The following GABRR1 variants were observed in gnomAD, a reference collection of about 807,000 sequenced individuals.
GABRR1 encodes gamma-aminobutyric acid receptor subunit rho-1.
GABRR1 carries 59 observed loss-of-function variants against 55.5 expected under a neutral mutation model. That is an observed-to-expected ratio of 1.06 (90% CI 0.86 to 1.32). The LOEUF (loss-of-function observed/expected upper bound fraction) is 1.32, where lower values mean the gene tolerates loss of function less well. Among genes scored for constraint, GABRR1 ranks in the 40% most tolerant of loss-of-function variants. The pLI is 0.00. For synonymous variants in GABRR1, 213 were observed against 226.0 expected (o/e 0.94, Z 0.51); for missense variants, 602 against 619.1 (o/e 0.97, Z 0.29).
chr6:89,222,788 A>G (rs1020776615), intron 1 of GABRR1, among the ~76,000 whole-genome samples: 6 of 152,184 alleles, frequency 3.9e-5, no homozygotes, highest in African/African-American at 1.4e-4. Context: ...ATGATTGATG[A>G]GAGATCTAGA....
chr6:89,196,637 C>A (rs1772280908), intron 5 of GABRR1, among the ~76,000 whole-genome samples: 1 of 151,948 alleles, frequency 6.6e-6, no homozygotes, highest in Non-Finnish European at 1.5e-5. Flanking sequence ...ATTAGCTGGG[C>A]ATAGTGACAC....
At chr6:89,230,797 C>G (rs945062194) in intron 1 of GABRR1, among the ~76,000 whole-genome samples, 40 of 151,848 alleles carry the variant, frequency 2.6e-4, no homozygotes, top group East Asian at 1.2e-3. Context: ...CCACCCAGTT[C>G]GAGCTTCCCA....
intron 6 of GABRR1, among the ~76,000 whole-genome samples, chr6:89,189,785 G>A (rs1042788606): frequency 5.9e-5 from 9 of 152,118 alleles, no homozygotes; most frequent in Non-Finnish European, 7.4e-5. Flanking sequence ...AGTCATGAAG[G>A]CTGGGCATGG....
intron 1 of GABRR1, among the ~76,000 whole-genome samples, chr6:89,211,088 C>T (rs1772821014): frequency 6.6e-6 from 1 of 152,070 alleles, no homozygotes. Context: ...AGGGGCAGGT[C>T]GTAATCAGCA....
chr6:89,230,870 C>G (rs1419919245), intron 1 of GABRR1, among the ~76,000 whole-genome samples: 1 of 149,800 alleles, frequency 6.7e-6, no homozygotes, highest in Non-Finnish European at 1.5e-5. Flanking sequence ...GCCTCGCTGC[C>G]GCCTTGCAGT....
rs1246099640 is a variant in GABRR1, at chr6:89,178,012, G to C, written c.*758C>G. 6.6e-6 allele frequency: 1 copy of C among 152,130 alleles called. No individual in the cohort carries two copies. Among genetic ancestry groups the C allele is most frequent in the Non-Finnish European group, 1.5e-5 (1 of 68,036 alleles). The allele number at this position is 152,130 out of a possible 1,614,324, so 9.4% of individuals were successfully genotyped here. A position where few individuals can be genotyped will look rare whatever the true frequency, so the allele number is the denominator to read the frequency against. ...CCAAGAAGAAGAAACATGAAGTGGT[G>C]ATTATATAAAATAGGGAACATTTAA... On this transcript the variant is annotated 3_prime_UTR_variant, in exon 10 of 10. Transcript: ENST00000454853.
intron 1 of GABRR1, among the ~76,000 whole-genome samples, chr6:89,223,838 A>C (rs1265781576): frequency 1.3e-5 from 2 of 149,504 alleles, no homozygotes; most frequent in Non-Finnish European, 3.0e-5. Context: ...ATCTTGGCTC[A>C]CTGCAACCTC....
At position 89,198,020 on chromosome 6, in the gene GABRR1, C is replaced by T. The variant is rs1019585628; in HGVS notation, c.572G>A (p.Arg191Lys). 1.9e-6 allele frequency: 3 copies of T among 1,612,944 alleles called. No homozygotes were observed. Among genetic ancestry groups the T allele is most frequent in the Non-Finnish European group, 2.5e-6 (3 of 1,179,094 alleles). The change falls in exon 5 of 10, where the codon AGG becomes AAG. Residue 191 changes from arginine to lysine, a missense_variant and splice_region_variant. Arg to Lys is a conservative substitution (Grantham distance 26). Around this residue, in one of 3 missense-constraint regions of GABRR1, gnomAD observed 435 missense variants for 424.2 expected, o/e 1.03. Coordinates refer to ENST00000454853, the MANE Select transcript of GABRR1 (RefSeq NM_002042.5). Reference sequence around the variant, plus strand: ...ATGAATGATCTGCCTTTCTTCCTACCTGAGACTATAGAGCACTTTCCCATC... The same window carrying T: ...ATGAATGATCTGCCTTTCTTCCTACTTGAGACTATAGAGCACTTTCCCATC... The part of the protein sequence containing the change: ...QPDGKVLYSL[R>K]VTVTAMCNMD...
At chr6:89,218,370 A>C (rs1021513127), upstream of GABRR1, among the ~76,000 whole-genome samples, 3 of 152,218 alleles carry the variant, frequency 2.0e-5, no homozygotes, top group African/African-American at 7.2e-5. Flanking sequence ...TTTTCGGGTT[A>C]TTTGAAATGC....
Position 89,185,408 on chromosome 6 carries a change from C to G in GABRR1, c.698G>C (p.Gly233Ala). ...EDDLMLYWKK[G>A]NDSLKTDERI... Reference sequence around the variant, plus strand: ...TTCATCTGTCTTTAAGGAGTCATTGCCCTTTTTCCAGTACAGCATGAGGTC... The same window carrying G: ...TTCATCTGTCTTTAAGGAGTCATTGGCCTTTTTCCAGTACAGCATGAGGTC... Residue 233 changes from glycine to alanine, a missense_variant, in exon 7 of 10, where the codon GGC becomes GCC. Transcript: ENST00000454853. 1 of 1,613,614 alleles carries G rather than the reference C, an allele frequency of 6.2e-7. No homozygotes were observed. The highest frequency in any genetic ancestry group is 8.5e-7 in the Non-Finnish European group (1 of 1,179,652).
At chr6:89,212,236 T>C (rs1056787284) in intron 1 of GABRR1, 1 of 312,808 alleles carries the variant, frequency 3.2e-6, no homozygotes, top group Non-Finnish European at 4.3e-6. Flanking sequence ...ATTCTGACCA[T>C]TCTAGCTCCT....
chr6:89,229,330 G>A (rs949373342), intron 1 of GABRR1, among the ~76,000 whole-genome samples: 14 of 151,588 alleles, frequency 9.2e-5, no homozygotes, highest in East Asian at 3.9e-4. Flanking sequence ...GATTTTGCTC[G>A]TTAGTTGACA....
In GABRR1 at chr6:89,178,345, A is replaced by G. The variant is rs1771604675; in HGVS notation, c.*425T>C. ...AAAGTGAGGATTTAGGTGCATGTGA[A>G]TTTCATGCAAATGGCCTGTAGGTGC... On this transcript the variant is annotated 3_prime_UTR_variant, in exon 10 of 10. Coordinates refer to ENST00000454853, the MANE Select transcript of GABRR1 (RefSeq NM_002042.5). 5.6e-6 allele frequency: 1 copy of G among 177,300 alleles called. No homozygotes were observed. Among genetic ancestry groups the G allele is most frequent in the South Asian group, 1.3e-4 (1 of 7,752 alleles). 11.0% of individuals were successfully genotyped at this position (177,300 alleles called of 1,614,324 possible). A position where few individuals can be genotyped will look rare whatever the true frequency, so the allele number is the denominator to read the frequency against.
At position 89,226,015 on chromosome 6, in the gene GABRR1, G is replaced by T. The variant is rs988723552; in HGVS notation, c.-410-4569C>A. Among the ~76,000 whole-genome samples the T allele has an allele frequency of 1.9e-3, 293 of 151,696 alleles. 3 individuals carry two copies. The highest frequency in any genetic ancestry group is 6.9e-3 in the African/African-American group (287 of 41,300). On this transcript the variant is annotated intron_variant, in intron 1 of 11. Coordinates refer to the GABRR1 transcript ENST00000369451. ...TTGATTTGCATTTCTCTGATGGCCA[G>T]TGATGATGAGCATTTTTTCATGTGT...
rs760804771 is a variant in GABRR1 at position 89,178,939 on chromosome 6, A to G, written c.1271T>C (p.Met424Thr). 8 of 1,614,170 alleles carry G rather than the reference A, an allele frequency of 5.0e-6. No homozygotes were observed. Among genetic ancestry groups the G allele is most frequent in the South Asian group, 4.4e-5 (4 of 91,080 alleles). The change falls in exon 10 of 10, where the codon ATG (methionine) becomes ACG (threonine). Residue 424 changes from methionine to threonine, a missense_variant. Transcript: ENST00000454853. ...CTCTGAGGCCAGGGTCAGCTGCACC[A>G]TCATCCTGTCGGGCTTCTCTCCATT... is the stretch of plus-strand genomic sequence containing the variant. ...PENGEKPDRM[M>T]VQLTLASERS...
At chr6:89,179,696 G>A (rs1771656428) in intron 9 of GABRR1, among the ~76,000 whole-genome samples, 1 of 152,194 alleles carries the variant, frequency 6.6e-6, no homozygotes, top group Non-Finnish European at 1.5e-5. Flanking sequence ...TTACAAGTGT[G>A]TGCATGAACG....
At chr6:89,194,608 C>A (rs976325063) in intron 5 of GABRR1, among the ~76,000 whole-genome samples, 3 of 152,052 alleles carry the variant, frequency 2.0e-5, no homozygotes, top group African/African-American at 7.2e-5. Context: ...TAAGGAAGTG[C>A]AGTGATATCC....
Position 89,198,167 on chromosome 6 carries a change from CT to C in GABRR1, c.424del (p.Ser142AlafsTer2). The C allele has an allele frequency of 6.2e-7, 1 of 1,614,104 alleles. No individual in the cohort carries two copies. Among genetic ancestry groups the C allele is most frequent in the Non-Finnish European group, 8.5e-7 (1 of 1,180,022 alleles). ...RLSFPSTNNL[S>X]MTFDGRLVKK... ...GACCAGCCGGCCGTCAAACGTCATG[CT>C]GAGGTTGTTGGTGCTTGGAAAAGAC... On this transcript the variant is annotated frameshift_variant, in exon 5 of 10. Coordinates refer to ENST00000454853, the MANE Select transcript of GABRR1 (RefSeq NM_002042.5). LOFTEE classifies it high-confidence loss of function.
chr6:89,178,781 T>C lies in GABRR1; in HGVS notation c.1429A>G (p.Ile477Val), dbSNP rs561356972. 27 of 1,612,348 alleles carry C rather than the reference T, an allele frequency of 1.7e-5. No individual in the cohort carries two copies. The highest frequency in any genetic ancestry group is 8.0e-5 in the African/African-American group (6 of 74,834). ...YILFNLIYWS[I>V]FS ...AGAATTACAAGCATCTAGGAGAAAA[T>C]AGACCAGTATATTAAATTGAATAAA... The change falls in exon 10 of 10, where the codon ATT becomes GTT. Residue 477 changes from isoleucine to valine, a missense_variant. Physicochemically the swap from Ile to Val is conservative, Grantham distance 29. Around this residue, in one of 3 missense-constraint regions of GABRR1, gnomAD observed 139 missense variants for 141.1 expected, o/e 0.99. Transcript: ENST00000454853.
Sources: allele counts gnomAD v4.1 joint callset (sites outside exome capture counted in the v4.1 genomes callset), GRCh38; gene constraint gnomAD v4.1.1; regional missense constraint gnomAD v4.1.1; transcripts MANE v1.5; gene names NCBI Gene and HGNC (gene_info 2026-07-23, HGNC 2026-07-21).